KCNB2: variants seen among roughly 807,000 people sequenced by gnomAD.
KCNB2 encodes the protein delayed rectifier potassium channel protein.
A neutral mutation model predicts 61.5 loss-of-function variants in KCNB2; 15 were observed. The observed-to-expected ratio is 0.24, with a 90% CI of 0.16 to 0.38. The LOEUF is 0.38. Among genes scored for constraint, KCNB2 ranks in the 10% least tolerant of loss-of-function variants. The probability of loss-of-function intolerance (pLI) is 1.00; values close to 1 mark genes in which losing one functional copy is unlikely to be tolerated. For missense variants in KCNB2, 828 were observed against 1,125.2 expected (o/e 0.74, Z 3.78); for synonymous variants, 457 against 446.0 (o/e 1.02, Z -0.31).
chr8:72,660,393 G>A (rs192008958), intron 2 of KCNB2, among the ~76,000 whole-genome samples: 21 of 152,304 alleles, frequency 1.4e-4, no homozygotes, highest in African/African-American at 4.8e-4. Context: ...TCTGGTTCAC[G>A]TGGGATGCTG....
intron 2 of KCNB2, among the ~76,000 whole-genome samples, chr8:72,852,739 A>T (rs796415630): frequency 8.6e-5 from 4 of 46,318 alleles, no homozygotes; most frequent in Admixed American, 2.1e-4. Flanking sequence ...ACAGTGAGCA[A>T]GTACTGAAAA....
At chr8:72,682,593 TA>T (rs775865289) in intron 2 of KCNB2, among the ~76,000 whole-genome samples, 3,611 of 133,298 alleles carry the variant, frequency 0.027, 70 homozygotes, top group Middle Eastern at 0.094. Context: ...AAGTTGAATT[TA>T]AAAAAAAAAA....
intron 2 of KCNB2, among the ~76,000 whole-genome samples, chr8:72,625,038 C>T (rs918386541): frequency 3.3e-5 from 5 of 152,168 alleles, no homozygotes; most frequent in African/African-American, 1.2e-4. Context: ...CAGTCAAGCC[C>T]CATAGGAGAC....
rs373422399 is a variant in KCNB2 at position 72,720,891 on chromosome 8, C to G, written c.579+152578C>G. On this transcript the variant is annotated intron_variant, in intron 2 of 2. Coordinates refer to ENST00000523207, the MANE Select transcript of KCNB2 (RefSeq NM_004770.3). ...TATAACTCTCATGCTTTTCCAAGTA[C>G]TTATTACTTAGACATAAATTTTCTG... 2.8e-4 allele frequency among the ~76,000 whole-genome samples: 42 copies of G among 152,262 alleles called. 1 individual carries two copies. In the East Asian group the frequency reaches 7.9e-3, roughly 29 times the overall value.
intron 2 of KCNB2, among the ~76,000 whole-genome samples, chr8:72,694,410 C>T (rs1188207251): frequency 1.3e-5 from 2 of 152,130 alleles, no homozygotes; most frequent in African/African-American, 4.8e-5. Flanking sequence ...TTTATGTATT[C>T]CTGAATTTTA....
chr8:72,683,699 G>A (rs1017173934), intron 2 of KCNB2, among the ~76,000 whole-genome samples: 1 of 152,178 alleles, frequency 6.6e-6, no homozygotes, highest in South Asian at 2.1e-4. Context: ...AAAGAAAAGA[G>A]AACAGATACT....
intron 2 of KCNB2, among the ~76,000 whole-genome samples, chr8:72,834,402 G>T (rs1010700056): frequency 6.6e-6 from 1 of 152,148 alleles, no homozygotes; most frequent in Non-Finnish European, 1.5e-5. Flanking sequence ...AGCAGACAGG[G>T]CATGAACTTG....
In KCNB2 at chr8:72,537,409, G is replaced by A. The variant is rs1314995951; in HGVS notation, c.-570G>A. ...CGGCCGCCGCCGCCGCTGCGCCTCG[G>A]GCAGCCCCAGCGAGCGGCAACTCCC... On this transcript the variant is annotated 5_prime_UTR_variant, in exon 1 of 3. Transcript: ENST00000523207. 6.5e-6 allele frequency: 1 copy of A among 152,966 alleles called. No individual in the cohort carries two copies. The highest frequency in any genetic ancestry group is 2.4e-5 in the African/African-American group (1 of 41,402). The allele number at this position is 152,966 out of a possible 1,614,324, so 9.5% of individuals were successfully genotyped here. A position where few individuals can be genotyped will look rare whatever the true frequency, so the allele number is the denominator to read the frequency against.
chr8:72,905,948 G>C (rs940099868), intron 2 of KCNB2, among the ~76,000 whole-genome samples: 1 of 152,094 alleles, frequency 6.6e-6, no homozygotes, highest in African/African-American at 2.4e-5. Context: ...CCCATAGCAG[G>C]GACAATTTCA....
intron 2 of KCNB2, among the ~76,000 whole-genome samples, chr8:72,930,502 G>A (rs909367215): frequency 2.0e-5 from 3 of 152,200 alleles, no homozygotes; most frequent in African/African-American, 7.2e-5. Flanking sequence ...ACTGGTGTGA[G>A]ATGGTATTTC....
At chr8:72,573,581 G>T (rs937443390) in intron 2 of KCNB2, among the ~76,000 whole-genome samples, 1 of 151,912 alleles carries the variant, frequency 6.6e-6, no homozygotes, top group African/African-American at 2.4e-5. Flanking sequence ...TGTGTGCCGT[G>T]CAGTGCTATC....
At chr8:72,657,471 T>TCTTA (rs1253598642) in intron 2 of KCNB2, among the ~76,000 whole-genome samples, 1 of 152,180 alleles carries the variant, frequency 6.6e-6, no homozygotes, top group African/African-American at 2.4e-5. Context: ...CTTGTAAAAC[T>TCTTA]CTTACTACAT....
chr8:72,761,154 A>G (rs958520027), intron 2 of KCNB2, among the ~76,000 whole-genome samples: 3 of 152,168 alleles, frequency 2.0e-5, no homozygotes, highest in Non-Finnish European at 4.4e-5. Flanking sequence ...TCAGTCTGCA[A>G]TATCTGACTT....
intron 2 of KCNB2, chr8:72,751,722 T>C (rs544864116): frequency 1.2e-4 from 19 of 152,324 alleles, no homozygotes; most frequent in South Asian, 2.1e-4. Flanking sequence ...TAGTACTTAA[T>C]TAAATGAATA....
At chr8:72,816,884 C>CA (rs1418610099) in intron 2 of KCNB2, among the ~76,000 whole-genome samples, 14 of 152,160 alleles carry the variant, frequency 9.2e-5, no homozygotes, top group African/African-American at 3.4e-4. Flanking sequence ...GTGGAACTTC[C>CA]AAAGCCAATT....
chr8:72,631,844 G>A (rs1425745303), intron 2 of KCNB2, among the ~76,000 whole-genome samples: 4 of 152,042 alleles, frequency 2.6e-5, no homozygotes, highest in African/African-American at 9.7e-5. Context: ...TGTGCTCCTT[G>A]TTCAAATGCA....
intron 2 of KCNB2, among the ~76,000 whole-genome samples, chr8:72,727,692 C>T (rs945355024): frequency 1.3e-5 from 2 of 152,148 alleles, no homozygotes; most frequent in Non-Finnish European, 1.5e-5. Flanking sequence ...ACATGGACTT[C>T]CTGTGAAATG....
intron 2 of KCNB2, among the ~76,000 whole-genome samples, chr8:72,908,588 T>C (rs1358397055): frequency 6.6e-6 from 1 of 152,140 alleles, no homozygotes; most frequent in African/African-American, 2.4e-5. Flanking sequence ...GCAGGGAAAG[T>C]AGATGAGACT....
chr8:72,711,502 C>T (rs1257649684), intron 2 of KCNB2, among the ~76,000 whole-genome samples: 1 of 152,112 alleles, frequency 6.6e-6, no homozygotes, highest in Non-Finnish European at 1.5e-5. Flanking sequence ...TACACAAGAG[C>T]ATATAGGAGG....
Sources: allele counts gnomAD v4.1 joint callset (sites outside exome capture counted in the v4.1 genomes callset), GRCh38; gene constraint gnomAD v4.1.1; transcripts MANE v1.5; gene names NCBI Gene and HGNC (gene_info 2026-07-23, HGNC 2026-07-21).